The following SNX29 variants were observed in gnomAD, a reference collection of about 807,000 sequenced individuals.
SNX29 encodes sorting nexin 29.
A neutral mutation model predicts 102.1 loss-of-function variants in SNX29; 78 were observed. The ratio of observed to expected loss-of-function variants is 0.76; its 90% confidence interval spans 0.64 to 0.92. The LOEUF (loss-of-function observed/expected upper bound fraction) is 0.92. SNX29 is among the 40% of genes least tolerant of loss of function. The pLI is 0.00. For synonymous variants in SNX29, 580 were observed against 414.5 expected (o/e 1.40, Z -4.85); for missense variants, 1,280 against 1,061.7 (o/e 1.21, Z -2.86).
chr16:12,080,593 T>C (rs565672903), intron 11 of SNX29, among the ~76,000 whole-genome samples: 7 of 152,216 alleles, frequency 4.6e-5, no homozygotes, highest in Non-Finnish European at 8.8e-5. Flanking sequence ...CTGTCCAGGC[T>C]GGTCTTGAAC....
At chr16:12,313,396 G>T (rs1398382330) in intron 15 of SNX29, among the ~76,000 whole-genome samples, 1 of 152,166 alleles carries the variant, frequency 6.6e-6, no homozygotes, top group Non-Finnish European at 1.5e-5. Context: ...AGTTGTAGAA[G>T]GGGTAAAATG....
At chr16:12,562,740 C>G (rs567411902) in intron 20 of SNX29, among the ~76,000 whole-genome samples, 44 of 152,282 alleles carry the variant, frequency 2.9e-4, no homozygotes, top group African/African-American at 1.0e-3. Context: ...GCTTTTATGG[C>G]ATAGTTCCTT....
intron 18 of SNX29, among the ~76,000 whole-genome samples, chr16:12,461,985 AT>A (rs1255619569): frequency 1.8e-5 from 1 of 54,406 alleles, no homozygotes; most frequent in Admixed American, 2.0e-4. Context: ...AAAAATATAT[AT>A]ATATATATAT....
chr16:12,334,444 G>A (rs1015601395), intron 15 of SNX29, among the ~76,000 whole-genome samples: 5 of 152,148 alleles, frequency 3.3e-5, no homozygotes, highest in Non-Finnish European at 1.5e-5. Context: ...GTTCGGCACC[G>A]TGCAAACCAC....
At chr16:12,118,753 G>A (rs1013178233) in intron 11 of SNX29, among the ~76,000 whole-genome samples, 4 of 152,158 alleles carry the variant, frequency 2.6e-5, no homozygotes, top group Non-Finnish European at 5.9e-5. Flanking sequence ...GTGTTTTCTA[G>A]CCTTCTGTGA....
At chr16:12,041,834 T>G (rs1029400285) in intron 4 of SNX29, among the ~76,000 whole-genome samples, 1 of 152,194 alleles carries the variant, frequency 6.6e-6, no homozygotes, top group Admixed American at 6.5e-5. Context: ...TTCAGAGAAT[T>G]CTGGAGCTTA....
chr16:12,400,819 CATTTATTT>C (rs35880279), intron 17 of SNX29, among the ~76,000 whole-genome samples: 2 of 151,660 alleles, frequency 1.3e-5, no homozygotes, highest in African/African-American at 4.9e-5. Flanking sequence ...ACCTCACTTT[CATTTATTT>C]ATTTATTTAT....
intron 14 of SNX29, among the ~76,000 whole-genome samples, chr16:12,277,689 C>T (rs2079298014): frequency 6.6e-6 from 1 of 152,158 alleles, no homozygotes; most frequent in South Asian, 2.1e-4. Flanking sequence ...ATCCTCTCAA[C>T]TCAGCCTCCT....
chr16:12,390,567 C>T (rs1353625301), intron 16 of SNX29, among the ~76,000 whole-genome samples: 3 of 152,170 alleles, frequency 2.0e-5, no homozygotes, highest in East Asian at 1.9e-4. Context: ...GTGGAATAAA[C>T]GTATGCATAA....
rs753611068 is a variant in SNX29, at chr16:12,027,437, C to A, written c.240C>A (p.Thr80=). 1.2e-6 allele frequency: 2 copies of A among 1,613,794 alleles called. No homozygotes were observed. The highest frequency in any genetic ancestry group is 1.7e-5 in the Admixed American group (1 of 60,014). ...AGGCAGCGGGCTTTGCCAGCAAAAC[C>A]GAAACAGGTACTGCTCTGCCTGGCT... ...IKQAAGFASK[T]ETEPVFWYYV... The change falls in exon 4 of 21, where the codon ACC becomes ACA. Residue 80 remains threonine (T), a synonymous_variant. Transcript: ENST00000566228.
At chr16:12,541,328 G>GT (rs2077329564) in intron 20 of SNX29, among the ~76,000 whole-genome samples, 2 of 152,186 alleles carry the variant, frequency 1.3e-5, no homozygotes, top group African/African-American at 4.8e-5. Context: ...GGACTTCTGA[G>GT]TGCCAGAATT....
At chr16:12,114,968 C>T (rs190614887) in intron 11 of SNX29, among the ~76,000 whole-genome samples, 7 of 152,258 alleles carry the variant, frequency 4.6e-5, no homozygotes, top group East Asian at 1.9e-4. Context: ...GCCTGGCACT[C>T]GGCTGGTGCC....
chr16:12,161,112 C>T lies in SNX29; in HGVS notation c.1595+31354C>T, dbSNP rs542228319. 5.3e-5 allele frequency among the ~76,000 whole-genome samples: 8 copies of T among 152,282 alleles called. No homozygotes were observed. The South Asian group carries it at 8.3e-4, about 16-fold the overall frequency. On this transcript the variant is annotated intron_variant, in intron 13 of 20. Coordinates refer to ENST00000566228, the MANE Select transcript of SNX29 (RefSeq NM_032167.5). ...CATTTTCACCTCCCTCTATCAGTCC[C>T]GCAATGATTTCCAGTGTCTGATACC...
intron 18 of SNX29, among the ~76,000 whole-genome samples, chr16:12,454,794 A>G (rs998187230): frequency 6.6e-6 from 1 of 152,090 alleles, no homozygotes; most frequent in African/African-American, 2.4e-5. Flanking sequence ...ATCTCGGCTC[A>G]CTGCAACCTC....
intron 13 of SNX29, among the ~76,000 whole-genome samples, chr16:12,187,963 G>C (rs957662372): frequency 6.6e-6 from 1 of 152,162 alleles, no homozygotes; most frequent in Non-Finnish European, 1.5e-5. Flanking sequence ...CATGCCCTAG[G>C]AGTTAGCTAG....
rs1046393587 is a variant in SNX29, at chr16:12,098,575, C to T, written c.1402+19660C>T. 6.6e-6 allele frequency among the ~76,000 whole-genome samples: 1 copy of T among 152,166 alleles called. No homozygotes were observed. On this transcript the variant is annotated intron_variant, in intron 11 of 20. Coordinates refer to ENST00000566228, the MANE Select transcript of SNX29 (RefSeq NM_032167.5). This position sits in a 1 kb window ranked among gnomAD's most constrained non-coding sequence, Gnocchi z 6.0. ...TGCGCAGACGATTCAGTTTCATGCG[C>T]GCCCGATTCAGTTTCATGCTCTTCC...
intron 19 of SNX29, among the ~76,000 whole-genome samples, chr16:12,484,571 T>C (rs1276409559): frequency 6.6e-6 from 1 of 152,002 alleles, no homozygotes; most frequent in Non-Finnish European, 1.5e-5. Flanking sequence ...TCCTACCTTA[T>C]CTCATGCCCT....
intron 15 of SNX29, among the ~76,000 whole-genome samples, chr16:12,347,514 C>T (rs1043640732): frequency 2.6e-5 from 4 of 152,212 alleles, no homozygotes; most frequent in African/African-American, 9.6e-5. Flanking sequence ...CCCTTCCAGA[C>T]TGCATGACTT....
At chr16:12,385,181 A>G (rs2083301378) in intron 16 of SNX29, among the ~76,000 whole-genome samples, 1 of 152,222 alleles carries the variant, frequency 6.6e-6, no homozygotes, top group Non-Finnish European at 1.5e-5. Flanking sequence ...AAAAAAGAAA[A>G]AAGAAAAGTT....
Sources: gnomAD v4.1 joint callset for allele counts (sites outside exome capture counted in the v4.1 genomes callset) on GRCh38, gnomAD v4.1.1 for gene constraint, Gnocchi (gnomAD v3.1) non-coding constraint, MANE v1.5 for transcripts, NCBI Gene and HGNC (gene_info 2026-07-23, HGNC 2026-07-21) for gene names.